The following TNFAIP8 variants were observed in gnomAD, a reference collection of about 807,000 sequenced individuals.
TNFAIP8 encodes tumor necrosis factor alpha-induced protein 8.
In TNFAIP8, 7 loss-of-function variants were observed where a neutral mutation model predicts 13.3. The observed-to-expected ratio is 0.52, with a 90% CI of 0.30 to 0.99. The LOEUF (loss-of-function observed/expected upper bound fraction) is 0.99, where lower values mean the gene tolerates loss of function less well. Ranked by LOEUF, TNFAIP8 falls within the 50% of genes least tolerant of loss-of-function variation. The pLI is 0.07. For missense variants in TNFAIP8, 258 were observed against 236.9 expected, an observed-to-expected ratio of 1.09 and a Z score of -0.58; for synonymous variants, 94 against 87.6, an observed-to-expected ratio of 1.07 and a Z score of -0.41.
upstream of TNFAIP8, chr5:119,354,171 C>T (rs777455872): frequency 1.3e-5 from 2 of 152,232 alleles, no homozygotes; most frequent in Non-Finnish European, 2.9e-5. Flanking sequence ...GCAAGGTATA[C>T]ATATCAGCAG....
chr5:119,342,121 G>A (rs75180062), intron 1 of TNFAIP8, among the ~76,000 whole-genome samples: 1 of 152,130 alleles, frequency 6.6e-6, no homozygotes, highest in Non-Finnish European at 1.5e-5. Context: ...TTCCTCCAAG[G>A]GATGTTTAGT....
chr5:119,317,490 CA>C (rs1317954259), intron 1 of TNFAIP8, among the ~76,000 whole-genome samples: 2 of 151,276 alleles, frequency 1.3e-5, no homozygotes, highest in African/African-American at 4.9e-5. Flanking sequence ...TTAATTGTAT[CA>C]AAATCAGTTT....
chr5:119,393,581 A>C lies in TNFAIP8; in HGVS notation c.*200A>C. 1 of 595,668 alleles carries C rather than the reference A, an allele frequency of 1.7e-6. No individual in the cohort carries two copies. Among genetic ancestry groups the C allele is most frequent in the Non-Finnish European group, 2.9e-6 (1 of 348,914 alleles). 36.9% of individuals were successfully genotyped at this position (595,668 alleles called of 1,614,324 possible). A position where few individuals can be genotyped will look rare whatever the true frequency, so the allele number is the denominator to read the frequency against. On this transcript the variant is annotated 3_prime_UTR_variant, in exon 2 of 2. Coordinates refer to ENST00000504771, the MANE Select transcript of TNFAIP8 (RefSeq NM_014350.4). ...CATATTGCCAAAAATTCTGGTTAAA[A>C]GCTTCCTAACGGGTAACAGACCATG...
rs539812342 is a variant in TNFAIP8, at chr5:119,395,834, C to T, written c.*2453C>T. On this transcript the variant is annotated 3_prime_UTR_variant, in exon 2 of 2. Transcript: ENST00000504771. ...TAGATAAATCTGAGCCGAGTTAATACTAATTTGGGGATCCTATGAACCTTT... is the reference window on the plus strand; with the variant it reads ...TAGATAAATCTGAGCCGAGTTAATATTAATTTGGGGATCCTATGAACCTTT... 1.3e-5 allele frequency: 2 copies of T among 152,152 alleles called. No individual in the cohort carries two copies. The highest frequency in any genetic ancestry group is 2.9e-5 in the Non-Finnish European group (2 of 68,036). The allele number at this position is 152,152 out of a possible 1,614,324, so 9.4% of individuals were successfully genotyped here. A position where few individuals can be genotyped will look rare whatever the true frequency, so the allele number is the denominator to read the frequency against.
chr5:119,316,607 G>A (rs1298152306), intron 1 of TNFAIP8, among the ~76,000 whole-genome samples: 1 of 152,196 alleles, frequency 6.6e-6, no homozygotes. Flanking sequence ...CTAAGGCAGA[G>A]ATTCTCACAC....
intron 1 of TNFAIP8, among the ~76,000 whole-genome samples, chr5:119,318,735 C>T (rs959130505): frequency 6.6e-6 from 1 of 150,680 alleles, no homozygotes; most frequent in Non-Finnish European, 1.5e-5. Flanking sequence ...TCCTCCTCAC[C>T]ATCTCATGAA....
intron 1 of TNFAIP8, among the ~76,000 whole-genome samples, chr5:119,368,036 G>T (rs1490839551): frequency 6.6e-6 from 1 of 152,124 alleles, no homozygotes; most frequent in Non-Finnish European, 1.5e-5. Flanking sequence ...TCCCCACTGA[G>T]GTAGGTAATG....
At chr5:119,325,642 G>T (rs572128011) in intron 1 of TNFAIP8, among the ~76,000 whole-genome samples, 83 of 152,284 alleles carry the variant, frequency 5.5e-4, no homozygotes, top group Admixed American at 1.6e-3. Flanking sequence ...TAGAGATGGG[G>T]TTTCACCATG....
chr5:119,325,411 C>G (rs1750192409), intron 1 of TNFAIP8, among the ~76,000 whole-genome samples: 1 of 152,140 alleles, frequency 6.6e-6, no homozygotes, highest in South Asian at 2.1e-4. Flanking sequence ...TGCCTAACTC[C>G]CAGCTGCTCT....
rs748033071 is a variant in TNFAIP8 at position 119,392,955 on chromosome 5, G to C, written c.171G>C (p.Val57=). 3 of 1,610,988 alleles carry C rather than the reference G, an allele frequency of 1.9e-6. No individual in the cohort carries two copies. The East Asian group carries it at 6.7e-5, about 36-fold the overall frequency. The stretch of plus-strand genomic sequence containing the variant: ...AGGTGCTGGATGAGCTCTACAGAGT[G>C]ACCAGGGAGTACACCCAAAACAAGA... ...SSEVLDELYR[V]TREYTQNKKE... Residue 57 remains valine (V), a synonymous_variant, in exon 2 of 2, where the codon GTG becomes GTC. Transcript: ENST00000504771.
chr5:119,313,722 T>G (rs1396700457), intron 1 of TNFAIP8, among the ~76,000 whole-genome samples: 1 of 152,332 alleles, frequency 6.6e-6, no homozygotes, highest in Admixed American at 6.5e-5. Flanking sequence ...GAAGCAGCCT[T>G]AAGATGGAAT....
intron 1 of TNFAIP8, chr5:119,306,735 C>A (rs1749579522): frequency 6.6e-6 from 1 of 152,084 alleles, no homozygotes; most frequent in African/African-American, 2.4e-5. Context: ...ATTATCCAAG[C>A]CATTACCTTT....
chr5:119,326,604 T>A (rs545441236), intron 1 of TNFAIP8, among the ~76,000 whole-genome samples: 1 of 152,328 alleles, frequency 6.6e-6, no homozygotes, highest in African/African-American at 2.4e-5. Context: ...AAGTGCTTTT[T>A]AAACTTAATT....
intron 1 of TNFAIP8, among the ~76,000 whole-genome samples, chr5:119,378,048 G>T (rs1752347704): frequency 6.6e-6 from 1 of 152,150 alleles, no homozygotes; most frequent in Non-Finnish European, 1.5e-5. Flanking sequence ...CATTTGGTCA[G>T]ATCTGATTGT....
chr5:119,358,989 C>A (rs141930712), intron 1 of TNFAIP8, among the ~76,000 whole-genome samples: 1 of 152,182 alleles, frequency 6.6e-6, no homozygotes, highest in Non-Finnish European at 1.5e-5. Context: ...CCAGTTCTTA[C>A]TCTCATGCCT....
chr5:119,363,960 A>AGGAT (rs1365977191), intron 1 of TNFAIP8, among the ~76,000 whole-genome samples: 1 of 152,218 alleles, frequency 6.6e-6, no homozygotes, highest in Non-Finnish European at 1.5e-5. Flanking sequence ...TTTATTCTAA[A>AGGAT]GGATGCAACT....
rs933835795 is a variant in TNFAIP8, at chr5:119,398,064, A to T, written c.*4683A>T. The T allele has an allele frequency of 2.0e-5, 3 of 152,204 alleles. No individual in the cohort carries two copies. Among genetic ancestry groups the T allele is most frequent in the African/African-American group, 7.2e-5 (3 of 41,450 alleles). The allele number at this position is 152,204 out of a possible 1,614,324, so 9.4% of individuals were successfully genotyped here. ...AGAGAAAAACATCTGTGCTTTGGAA[A>T]ATGTTCTTCAAGGATAGAGAATTGT... On this transcript the variant is annotated 3_prime_UTR_variant, in exon 2 of 2. Transcript: ENST00000504771.
intron 1 of TNFAIP8, among the ~76,000 whole-genome samples, chr5:119,327,381 A>G (rs1750254659): frequency 6.6e-6 from 1 of 152,176 alleles, no homozygotes; most frequent in Admixed American, 6.5e-5. Flanking sequence ...TAGGGGAAAA[A>G]ATCAAAAGGA....
chr5:119,288,078 G>A (rs913697688), intron 1 of TNFAIP8, among the ~76,000 whole-genome samples: 31 of 152,264 alleles, frequency 2.0e-4, no homozygotes, highest in African/African-American at 6.3e-4. Flanking sequence ...AAAAGTAAAG[G>A]AAATGTATAA....
Sources: allele counts gnomAD v4.1 joint callset (sites outside exome capture counted in the v4.1 genomes callset), GRCh38; gene constraint gnomAD v4.1.1; transcripts MANE v1.5; gene names NCBI Gene and HGNC (gene_info 2026-07-23, HGNC 2026-07-21).